The following ACOT2 variants were observed in gnomAD, a reference collection of about 807,000 sequenced individuals.
The protein encoded by ACOT2 is acyl-coenzyme A thioesterase 2, mitochondrial.
A neutral mutation model predicts 20.1 loss-of-function variants in ACOT2; 15 were observed. The ratio of observed to expected loss-of-function variants is 0.75; its 90% CI spans 0.50 to 1.15. The LOEUF is 1.15. Among genes scored for constraint, ACOT2 ranks in the 50% most tolerant of loss-of-function variants. The pLI, the probability that ACOT2 is intolerant of heterozygous loss-of-function variation, is 0.00. For missense variants in ACOT2, 479 were observed against 615.3 expected (o/e 0.78, Z 2.34); for synonymous variants, 252 against 268.4 (o/e 0.94, Z 0.60).
chr14:73,570,976 CTTTT>C lies in ACOT2; in HGVS notation c.643+1104_643+1107del, dbSNP rs369680117. Among the ~76,000 whole-genome samples the C allele has an allele frequency of 1.1e-3, 79 of 74,366 alleles. 1 individual carries two copies. Among genetic ancestry groups the C allele is most frequent in the Middle Eastern group, 6.6e-3 (1 of 152 alleles). 48.8% of individuals were successfully genotyped at this position (74,366 alleles called of 152,430 possible). On this transcript the variant is annotated intron_variant, in intron 1 of 2. Transcript: ENST00000238651. The stretch of plus-strand genomic sequence containing the variant: ...TATTTATGTATTGACTAGGAAGCCA[CTTTT>C]TTTTTTTTTTAAATAAGAATTCCGA...
upstream of ACOT2, chr14:73,567,786 G>A (rs1889632179): frequency 6.6e-6 from 1 of 151,654 alleles, no homozygotes; most frequent in Admixed American, 6.6e-5. Flanking sequence ...CCACTGAGAG[G>A]AACAAGAAAA....
At chr14:73,574,541 G>A in intron 2 of ACOT2, 1 of 407,332 alleles carries the variant, frequency 2.5e-6, no homozygotes, top group East Asian at 5.5e-5. Context: ...GGGATTACAG[G>A]CGTCAGCCAC....
Position 73,570,794 on chromosome 14 carries a change from ACTT to A in ACOT2, c.643+912_643+914del, listed in dbSNP as rs766651013. 1.7e-4 allele frequency among the ~76,000 whole-genome samples: 25 copies of A among 150,406 alleles called. 1 individual carries two copies. The highest frequency in any genetic ancestry group is 3.6e-4 in the Non-Finnish European group (24 of 67,586). ...GTGGTGCATGCCTGTAGTCCCAACT[ACTT>A]AGGAGGTTGAGGCAGGAGAATCGCT... On this transcript the variant is annotated intron_variant, in intron 1 of 2. Transcript: ENST00000238651.
intron 1 of ACOT2, chr14:73,571,713 G>A (rs974268350): frequency 1.3e-5 from 2 of 151,906 alleles, no homozygotes; most frequent in African/African-American, 4.8e-5. Flanking sequence ...CGGGGCACTG[G>A]GGTTTCTCGG....
At chr14:73,568,175 TGA>T (rs1474045525), upstream of ACOT2, 1 of 151,936 alleles carries the variant, frequency 6.6e-6, no homozygotes, top group Non-Finnish European at 1.5e-5. Flanking sequence ...ACGTGGGACA[TGA>T]GAGATTTGGA....
In ACOT2 at chr14:73,575,151, G is replaced by C. The variant is rs1400928671; in HGVS notation, c.1090G>C (p.Gly364Arg). 3 of 1,226,998 alleles carry C rather than the reference G, an allele frequency of 2.4e-6. No individual in the cohort carries two copies. The East Asian group carries it at 8.0e-5, about 33-fold the overall frequency. The allele number at this position is 1,226,998 out of a possible 1,614,324, so 76.0% of individuals were successfully genotyped here. The stretch of plus-strand genomic sequence containing the variant: ...GGATGTCCTGAACAGCCCTTTGGAA[G>C]GACCTGACCAGAAGAGCTTCATTCC... ...IVDVLNSPLE[G>R]PDQKSFIPVE... is the part of the protein sequence containing the mutation. Residue 364 changes from glycine to arginine, a missense_variant, in exon 3 of 3, where the codon GGA becomes CGA. By Grantham distance (125) the Gly-to-Arg change is moderately radical. Around this residue, in one of 4 missense-constraint regions of ACOT2, gnomAD observed 39 missense variants for 108.0 expected, o/e 0.36. Coordinates refer to ENST00000238651, the MANE Select transcript of ACOT2 (RefSeq NM_006821.6).
rs199868317 is a variant in ACOT2 at position 73,570,990 on chromosome 14, T to TAA, written c.643+1109_643+1110dup. Among the ~76,000 whole-genome samples, 78 of 147,448 alleles carry TAA rather than the reference T, an allele frequency of 5.3e-4. 1 individual carries two copies. Among genetic ancestry groups the TAA allele is most frequent in the South Asian group, 4.1e-3 (19 of 4,676 alleles). ...CTAGGAAGCCACTTTTTTTTTTTTT[T>TAA]AAATAAGAATTCCGACTGGTTTTCT... is the stretch of plus-strand genomic sequence containing the variant. On this transcript the variant is annotated intron_variant, in intron 1 of 2. Coordinates refer to ENST00000238651, the MANE Select transcript of ACOT2 (RefSeq NM_006821.6).
In ACOT2 at chr14:73,569,878, C is replaced by T. The variant is rs866346652; in HGVS notation, c.638C>T (p.Pro213Leu). Residue 213 changes from proline (P) to leucine (L), a missense_variant, in exon 1 of 3, where the codon CCG becomes CTG. This residue lies in a region of ACOT2 where 400 missense variants were observed against 395.5 expected (regional missense o/e 1.01). Coordinates refer to ENST00000238651, the MANE Select transcript of ACOT2 (RefSeq NM_006821.6). ...CGGGTGCGAGGCACGCTCTTCCTGC[C>T]GCCAGGTGACTCACCTCCGCTAATT... ...VGRVRGTLFL[P>L]PEPGPFPGIV... 8 of 1,603,732 alleles carry T rather than the reference C, an allele frequency of 5.0e-6. No homozygotes were observed. The East Asian group carries it at 1.6e-4, about 31-fold the overall frequency.
upstream of ACOT2, chr14:73,567,825 C>T (rs1889632674): frequency 1.3e-5 from 2 of 152,080 alleles, no homozygotes; most frequent in Non-Finnish European, 2.9e-5. Flanking sequence ...CCTTTATGAG[C>T]TGTAACACTC....
chr14:73,570,195 G>T (rs1433421517), intron 1 of ACOT2, among the ~76,000 whole-genome samples: 3 of 151,688 alleles, frequency 2.0e-5, no homozygotes, highest in African/African-American at 7.3e-5. Context: ...AAAGAAACAG[G>T]AATGGAATGG....
intron 1 of ACOT2, 134 bp downstream of exon 1, chr14:73,570,017 T>C (rs2140330675): frequency 7.5e-7 from 1 of 1,330,262 alleles, no homozygotes; most frequent in Non-Finnish European, 9.9e-7. Flanking sequence ...AGGTTTCGAA[T>C]TCCTGGTCTC....
Position 73,569,555 on chromosome 14 carries a change from C to T in ACOT2, c.315C>T (p.Gly105=), listed in dbSNP as rs1211717521. The T allele has an allele frequency of 1.9e-6, 3 of 1,602,198 alleles. No homozygotes were observed. The highest frequency in any genetic ancestry group is 2.7e-5 in the African/African-American group (2 of 74,638). The change falls in exon 1 of 3, where the codon GGC becomes GGT. Residue 105 remains glycine, a synonymous_variant. Coordinates refer to ENST00000238651, the MANE Select transcript of ACOT2 (RefSeq NM_006821.6). ...GCGCGTCCCTGCGCGACGAGAAGGG[C>T]GCGCTTTTCCAGGCCCACGCGCGCT... ...TLRASLRDEK[G]ALFQAHARYR... is the part of the protein sequence containing the mutation.
intron 1 of ACOT2, chr14:73,571,179 C>T (rs1566859202): frequency 6.6e-6 from 1 of 152,148 alleles, no homozygotes; most frequent in East Asian, 1.9e-4. Context: ...CTATGATCTC[C>T]CTGTTACCAT....
chr14:73,569,942 C>T, intron 1 of ACOT2, 59 bp downstream of exon 1: 1 of 1,535,888 alleles, frequency 6.5e-7, no homozygotes, highest in Non-Finnish European at 8.7e-7. Context: ...TGTGTCTCCC[C>T]CGCCCCACGC....
intron 1 of ACOT2, among the ~76,000 whole-genome samples, chr14:73,570,593 GAA>G (rs1322250489): frequency 1.3e-5 from 2 of 151,406 alleles, no homozygotes; most frequent in Non-Finnish European, 3.0e-5. Context: ...GTAAGGAAAG[GAA>G]AAAGACACTT....
rs1889686989 is a variant in ACOT2, at chr14:73,569,951, G to A, written c.643+68G>A. The stretch of plus-strand genomic sequence containing the variant: ...ACTTTGTGTGTCTCCCCCGCCCCAC[G>A]CTTTTCGCTTATGTGTATGCCCCCC... On this transcript the variant is annotated intron_variant, in intron 1 of 2. Coordinates refer to ENST00000238651, the MANE Select transcript of ACOT2 (RefSeq NM_006821.6). 8.6e-6 allele frequency: 13 copies of A among 1,513,866 alleles called. No homozygotes were observed. In the South Asian group the frequency reaches 1.0e-4, roughly 12 times the overall value. 93.8% of individuals were successfully genotyped at this position (1,513,866 alleles called of 1,614,324 possible). A position where few individuals can be genotyped will look rare whatever the true frequency, so the allele number is the denominator to read the frequency against.
rs759794640 is a variant in ACOT2, at chr14:73,569,590, A to G, written c.350A>G (p.Asp117Gly). Residue 117 changes from aspartate to glycine, a missense_variant, in exon 1 of 3, where the codon GAC (aspartate) becomes GGC (glycine). By Grantham distance (94) the Asp-to-Gly change is moderately conservative. This residue lies in a region of ACOT2 where 400 missense variants were observed against 395.5 expected (regional missense o/e 1.01). Transcript: ENST00000238651. ...LFQAHARYRA[D>G]TLGELDLERA... is the part of the protein sequence containing the mutation. ...CAGGCCCACGCGCGCTACCGCGCCG[A>G]CACTCTTGGCGAGCTGGACCTGGAG... is the stretch of plus-strand genomic sequence containing the variant. The G allele has an allele frequency of 6.2e-7, 1 of 1,601,792 alleles. No individual in the cohort carries two copies. The highest frequency in any genetic ancestry group is 1.7e-5 in the Admixed American group (1 of 59,096).
Position 73,575,486 on chromosome 14 carries a change from C to A in ACOT2, c.1425C>A (p.His475Gln). The stretch of plus-strand genomic sequence containing the variant: ...TCTTCCACAAACACTTGGGTGGCCA[C>A]GAGGGGACAATCCCATCAAAAGTGT... ...QTFFHKHLGG[H>Q]EGTIPSKV is the part of the protein sequence containing the mutation. Residue 475 changes from histidine to glutamine, a missense_variant, in exon 3 of 3, where the codon CAC becomes CAA. Around this residue, in one of 4 missense-constraint regions of ACOT2, gnomAD observed 40 missense variants for 93.4 expected, o/e 0.43. Transcript: ENST00000238651. 3 of 1,504,534 alleles carry A rather than the reference C, an allele frequency of 2.0e-6. No individual in the cohort carries two copies. The highest frequency in any genetic ancestry group is 1.3e-5 in the South Asian group (1 of 75,966). 93.2% of individuals were successfully genotyped at this position (1,504,534 alleles called of 1,614,324 possible).
intron 1 of ACOT2, among the ~76,000 whole-genome samples, chr14:73,570,971 A>G (rs1269948106): frequency 7.7e-6 from 1 of 129,216 alleles, no homozygotes; most frequent in African/African-American, 2.9e-5. Flanking sequence ...TTGACTAGGA[A>G]GCCACTTTTT....
Sources: gnomAD v4.1 joint callset for allele counts (sites outside exome capture counted in the v4.1 genomes callset) on GRCh38, gnomAD v4.1.1 for gene constraint, gnomAD v4.1.1 regional missense constraint, MANE v1.5 for transcripts, NCBI Gene and HGNC (gene_info 2026-07-23, HGNC 2026-07-21) for gene names.